PTPRD: variants seen among roughly 807,000 people sequenced by gnomAD.
The protein encoded by PTPRD is protein tyrosine phosphatase receptor type D.
A neutral mutation model predicts 214.5 loss-of-function variants in PTPRD; 34 were observed. That is an observed-to-expected ratio of 0.16 (90% CI 0.12 to 0.21). The LOEUF is 0.21. PTPRD is among the 10% of genes least tolerant of loss of function. The pLI is 1.00. For missense variants in PTPRD, 2,545 were observed against 2,398.7 expected (o/e 1.06, Z -1.27); for synonymous variants, 1,128 against 845.7 (o/e 1.33, Z -5.79).
At chr9:9,785,883 CA>C (rs560752750) in intron 5 of PTPRD, among the ~76,000 whole-genome samples, 1 of 151,578 alleles carries the variant, frequency 6.6e-6, no homozygotes, top group African/African-American at 2.4e-5. Context: ...AATAATTATT[CA>C]AAAAAAATTC....
chr9:10,610,326 G>C (rs2080625197), intron 2 of PTPRD, among the ~76,000 whole-genome samples: 2 of 152,082 alleles, frequency 1.3e-5, no homozygotes, highest in African/African-American at 4.8e-5. Context: ...ATGTATGTCA[G>C]GTTAGTTTTA....
chr9:10,303,227 C>T (rs1565157267), intron 3 of PTPRD, among the ~76,000 whole-genome samples: 1 of 152,120 alleles, frequency 6.6e-6, no homozygotes, highest in Non-Finnish European at 1.5e-5. Context: ...AACAAAGTCA[C>T]GATGTACCAG....
At chr9:8,486,823 C>T (rs1416991149) in intron 27 of PTPRD, among the ~76,000 whole-genome samples, 5 of 152,144 alleles carry the variant, frequency 3.3e-5, no homozygotes, top group South Asian at 2.1e-4. Context: ...ACTACATTCT[C>T]GGATTAGTTA....
At chr9:9,767,239 A>C (rs2098714507) in intron 5 of PTPRD, among the ~76,000 whole-genome samples, 1 of 152,092 alleles carries the variant, frequency 6.6e-6, no homozygotes, top group Non-Finnish European at 1.5e-5. Flanking sequence ...AAGATGAAGC[A>C]GGTTAAATAG....
At chr9:10,191,623 T>C (rs544550806) in intron 3 of PTPRD, among the ~76,000 whole-genome samples, 1 of 152,268 alleles carries the variant, frequency 6.6e-6, no homozygotes, top group East Asian at 1.9e-4. Context: ...TTTGTTTGTA[T>C]TGCTCTCTTT....
At chr9:9,887,218 G>A (rs578223310) in intron 5 of PTPRD, among the ~76,000 whole-genome samples, 31 of 152,000 alleles carry the variant, frequency 2.0e-4, no homozygotes, top group Admixed American at 1.0e-3. Context: ...AGAATTGTTT[G>A]TTCACTTCAC....
At chr9:10,568,626 C>A (rs1281197260) in intron 2 of PTPRD, among the ~76,000 whole-genome samples, 2 of 152,070 alleles carry the variant, frequency 1.3e-5, no homozygotes, top group Non-Finnish European at 2.9e-5. Flanking sequence ...CACATATCTA[C>A]AACTATCTGA....
In PTPRD at chr9:8,338,048, A is replaced by T. The variant is rs77479108; in HGVS notation, c.5379+874T>A. Among the ~76,000 whole-genome samples the T allele has an allele frequency of 6.5e-3, 996 of 152,204 alleles. 15 individuals are homozygous for T. Among genetic ancestry groups the T allele is most frequent in the African/African-American group, 0.023 (951 of 41,542 alleles). On this transcript the variant is annotated intron_variant, in intron 43 of 45. Coordinates refer to ENST00000381196, the MANE Select transcript of PTPRD (RefSeq NM_002839.4). Reference sequence around the variant, plus strand: ...TCTCTTTCACTTAAGGTCAACAGCCAGGGCCAGGCTTTGGGGATTAGCAGA... The same window carrying T: ...TCTCTTTCACTTAAGGTCAACAGCCTGGGCCAGGCTTTGGGGATTAGCAGA...
Position 10,031,234 on chromosome 9 carries a change from C to T in PTPRD, c.-472+2484G>A, listed in dbSNP as rs75335544. Among the ~76,000 whole-genome samples, 203 of 152,092 alleles carry T rather than the reference C, an allele frequency of 1.3e-3. 1 individual carries two copies. The East Asian group carries it at 0.017, about 13-fold the overall frequency. ...TAACAGCTGGGTGACCTGTGAAAAA[C>T]GCCATAATCAATACTTTACTGGTTA... On this transcript the variant is annotated intron_variant, in intron 4 of 45. Coordinates refer to ENST00000381196, the MANE Select transcript of PTPRD (RefSeq NM_002839.4).
At chr9:9,324,971 T>C (rs918485807) in intron 9 of PTPRD, among the ~76,000 whole-genome samples, 5 of 152,190 alleles carry the variant, frequency 3.3e-5, no homozygotes, top group Non-Finnish European at 4.4e-5. Context: ...TTTCTTGTTT[T>C]TGTCAGGTTT....
chr9:9,116,481 G>A (rs969751653), intron 10 of PTPRD, among the ~76,000 whole-genome samples: 3 of 152,040 alleles, frequency 2.0e-5, no homozygotes, highest in African/African-American at 7.2e-5. Context: ...GAGGGTAGGA[G>A]GGGCTGAGGG....
chr9:9,140,924 G>A (rs2099859299), intron 10 of PTPRD, among the ~76,000 whole-genome samples: 1 of 152,072 alleles, frequency 6.6e-6, no homozygotes. Context: ...TTCTTCCTGG[G>A]AATGAAGCTG....
At chr9:10,153,222 A>C (rs1305481507) in intron 3 of PTPRD, among the ~76,000 whole-genome samples, 9 of 152,068 alleles carry the variant, frequency 5.9e-5, no homozygotes, top group Non-Finnish European at 1.2e-4. Context: ...AATTTGATTT[A>C]ATTATACTGT....
chr9:9,949,748 G>A (rs987829897), intron 4 of PTPRD, among the ~76,000 whole-genome samples: 2 of 152,136 alleles, frequency 1.3e-5, no homozygotes, highest in Non-Finnish European at 2.9e-5. Context: ...TGGGGAGCAA[G>A]TATGTAGACT....
At chr9:9,142,302 G>A (rs1332033131) in intron 10 of PTPRD, among the ~76,000 whole-genome samples, 1 of 152,166 alleles carries the variant, frequency 6.6e-6, no homozygotes, top group African/African-American at 2.4e-5. Flanking sequence ...CAGGATGACT[G>A]GCATAAGGGA....
chr9:9,954,519 C>A (rs1042857446), intron 4 of PTPRD, among the ~76,000 whole-genome samples: 10 of 151,192 alleles, frequency 6.6e-5, no homozygotes. Context: ...CATAATCAGA[C>A]AATAAATTTT....
chr9:10,142,729 G>C (rs1418759787), intron 3 of PTPRD, among the ~76,000 whole-genome samples: 1 of 148,918 alleles, frequency 6.7e-6, no homozygotes, highest in East Asian at 2.0e-4. Flanking sequence ...ATTCCTCAGG[G>C]ATCTGGAACT....
chr9:10,520,246 C>T (rs2051704785), intron 2 of PTPRD, among the ~76,000 whole-genome samples: 2 of 152,108 alleles, frequency 1.3e-5, no homozygotes, highest in Non-Finnish European at 2.9e-5. Flanking sequence ...AGCAAAACAA[C>T]CTTATTGCTG....
At chr9:9,747,655 T>A (rs2098472024) in intron 6 of PTPRD, among the ~76,000 whole-genome samples, 1 of 151,318 alleles carries the variant, frequency 6.6e-6, no homozygotes, top group Admixed American at 6.6e-5. Flanking sequence ...CACACAATTC[T>A]CCTGCCTCAG....
Sources: gnomAD v4.1 joint callset for allele counts (sites outside exome capture counted in the v4.1 genomes callset) on GRCh38, gnomAD v4.1.1 for gene constraint, MANE v1.5 for transcripts, NCBI Gene and HGNC (gene_info 2026-07-23, HGNC 2026-07-21) for gene names.